SSPN: variants seen among roughly 807,000 people sequenced by gnomAD.
The protein encoded by SSPN is K-ras oncogene-associated protein.
SSPN carries 15 observed loss-of-function variants against 19.1 expected under a neutral mutation model. The observed-to-expected ratio is 0.78, with a 90% CI of 0.52 to 1.21. The LOEUF (loss-of-function observed/expected upper bound fraction) is 1.21, where lower values mean the gene tolerates loss of function less well. SSPN is among the 50% of genes most tolerant of loss of function. The probability of loss-of-function intolerance (pLI) is 0.00; values close to 1 mark genes in which losing one functional copy is unlikely to be tolerated. For missense variants in SSPN, 291 were observed against 314.0 expected, an observed-to-expected ratio of 0.93 and a Z score of 0.55; for synonymous variants, 147 against 140.3, an observed-to-expected ratio of 1.05 and a Z score of -0.34.
At chr12:26,153,046 T>C (rs1389710380) in intron 1 of SSPN, among the ~76,000 whole-genome samples, 1 of 152,220 alleles carries the variant, frequency 6.6e-6, no homozygotes, top group Admixed American at 6.5e-5. Flanking sequence ...ATTGTTCAGG[T>C]TCTAGCTGAA....
intron 1 of SSPN, among the ~76,000 whole-genome samples, chr12:26,130,776 G>A (rs117366091): frequency 0.019 from 2,825 of 152,256 alleles, 48 homozygotes; most frequent in Non-Finnish European, 0.03. Context: ...CCACACTTCT[G>A]CTTTTCCACT....
chr12:26,185,883 T>C (rs1944750739), intron 1 of SSPN, among the ~76,000 whole-genome samples: 1 of 152,218 alleles, frequency 6.6e-6, no homozygotes, highest in Non-Finnish European at 1.5e-5. Flanking sequence ...TCCCTGATTA[T>C]GTGTCTGTCT....
chr12:26,122,894 C>A (rs61754129), intron 1 of SSPN: 29 of 1,550,682 alleles, frequency 1.9e-5, no homozygotes, highest in African/African-American at 1.1e-4. Context: ...GCTTCTGCCC[C>A]GCGCGCTCCA....
At chr12:26,226,040 C>T (rs539789131) in intron 2 of SSPN, among the ~76,000 whole-genome samples, 4 of 152,026 alleles carry the variant, frequency 2.6e-5, no homozygotes, top group Non-Finnish European at 4.4e-5. Context: ...GGATTCCCCA[C>T]TAGGAAGATC....
intron 1 of SSPN, among the ~76,000 whole-genome samples, chr12:26,129,977 A>G (rs977467883): frequency 6.6e-6 from 1 of 152,140 alleles, no homozygotes; most frequent in Non-Finnish European, 1.5e-5. Flanking sequence ...AAAGACCACA[A>G]TAGGAGGATT....
chr12:26,214,520 C>T (rs1323603689), intron 1 of SSPN, among the ~76,000 whole-genome samples: 2 of 152,170 alleles, frequency 1.3e-5, no homozygotes, highest in Admixed American at 6.5e-5. Context: ...AATTAAACAG[C>T]TTTGTCCAAG....
chr12:26,122,435 G>C lies in SSPN; in HGVS notation c.-31+283G>C, dbSNP rs776094709. ...TGTCCAGGAAGGGCTGCACGTAGGC[G>C]GCAGCTGCAGAAGGCGAGAGGAAGC... On this transcript the variant is annotated intron_variant, in intron 1 of 2. Transcript: ENST00000538142. 551 of 1,354,708 alleles carry C rather than the reference G, an allele frequency of 4.1e-4. 2 individuals carry two copies. Among genetic ancestry groups the C allele is most frequent in the Middle Eastern group, 2.7e-3 (11 of 4,122 alleles). 83.9% of individuals were successfully genotyped at this position (1,354,708 alleles called of 1,614,324 possible). A position where few individuals can be genotyped will look rare whatever the true frequency, so the allele number is the denominator to read the frequency against.
At chr12:26,172,768 T>TC (rs1441708039) in intron 1 of SSPN, among the ~76,000 whole-genome samples, 1 of 142,700 alleles carries the variant, frequency 7.0e-6, no homozygotes, top group Non-Finnish European at 1.5e-5. Flanking sequence ...TTTCTCTCTC[T>TC]TTTTTTTTTT....
At position 26,233,174 on chromosome 12, in the gene SSPN, ACT is replaced by A. The variant is rs1192002311; in HGVS notation, c.*2101_*2102del. 6.6e-6 allele frequency: 1 copy of A among 152,020 alleles called. No individual in the cohort carries two copies. Among genetic ancestry groups the A allele is most frequent in the African/African-American group, 2.4e-5 (1 of 41,374 alleles). 9.4% of individuals were successfully genotyped at this position (152,020 alleles called of 1,614,324 possible). A position where few individuals can be genotyped will look rare whatever the true frequency, so the allele number is the denominator to read the frequency against. On this transcript the variant is annotated 3_prime_UTR_variant, in exon 3 of 3. Coordinates refer to ENST00000242729, the MANE Select transcript of SSPN (RefSeq NM_005086.5). This position sits in a 1 kb window ranked among gnomAD's most constrained non-coding sequence, Gnocchi z 4.3. The stretch of plus-strand genomic sequence containing the variant: ...CAAGTTTTTATATTTAAAAATTAAG[ACT>A]CTGTATATCCTTAAGGTGCTCTATG...
intron 1 of SSPN, chr12:26,122,189 CCCAAGGGGCGCCA>C: frequency 6.9e-7 from 1 of 1,452,396 alleles, no homozygotes; most frequent in Non-Finnish European, 9.0e-7. Flanking sequence ...GGTGCGGCGC[CCCAAGGGGCGCCA>C]CCTCGTGCGG....
chr12:26,191,519 T>C (rs1001529017), upstream of SSPN, among the ~76,000 whole-genome samples: 1 of 152,160 alleles, frequency 6.6e-6, no homozygotes, highest in Non-Finnish European at 1.5e-5. Flanking sequence ...AAAGATTGCA[T>C]TGTCCATATG....
chr12:26,125,081 A>C, intron 1 of SSPN: 1 of 424,180 alleles, frequency 2.4e-6, no homozygotes, highest in Non-Finnish European at 4.4e-6. Flanking sequence ...CACCCAGCTC[A>C]CGTGCGGAAC....
At chr12:26,223,532 G>A (rs1945145191) in intron 1 of SSPN, among the ~76,000 whole-genome samples, 1 of 152,180 alleles carries the variant, frequency 6.6e-6, no homozygotes, top group South Asian at 2.1e-4. Context: ...TTTAAACTAT[G>A]GGTGTGCATT....
chr12:26,217,850 A>AAC (rs1197560198), intron 1 of SSPN, among the ~76,000 whole-genome samples: 1 of 152,202 alleles, frequency 6.6e-6, no homozygotes, highest in African/African-American at 2.4e-5. Flanking sequence ...GAGAAATAGG[A>AAC]ACTTTTACAC....
intron 1 of SSPN, among the ~76,000 whole-genome samples, chr12:26,138,990 A>G (rs1415366601): frequency 1.3e-5 from 2 of 152,156 alleles, no homozygotes; most frequent in East Asian, 3.8e-4. Flanking sequence ...CCATATAGGG[A>G]TTAGTTAGGT....
chr12:26,168,404 G>C (rs1177797300), intron 1 of SSPN, among the ~76,000 whole-genome samples: 1 of 152,128 alleles, frequency 6.6e-6, no homozygotes, highest in Non-Finnish European at 1.5e-5. Flanking sequence ...CCAGTGTTCG[G>C]AGGTTGCAAG....
At chr12:26,122,450 C>G in intron 1 of SSPN, 1 of 1,355,094 alleles carries the variant, frequency 7.4e-7, no homozygotes, top group Non-Finnish European at 9.6e-7. Context: ...CTGCAGAAGG[C>G]GAGAGGAAGC....
intron 1 of SSPN, among the ~76,000 whole-genome samples, chr12:26,158,726 A>G (rs1414368526): frequency 1.3e-5 from 2 of 152,200 alleles, no homozygotes; most frequent in African/African-American, 2.4e-5. Flanking sequence ...GACCCCTGGA[A>G]CCCCTTTTAG....
At chr12:26,174,475 G>GCTTCCTTCCTTC (rs763960839) in intron 1 of SSPN, among the ~76,000 whole-genome samples, 59 of 121,904 alleles carry the variant, frequency 4.8e-4, no homozygotes, top group Non-Finnish European at 7.5e-4. Flanking sequence ...TGCTACCCAC[G>GCTTCCTTCCTTC]CTTCCTTCCT....
Sources: allele counts gnomAD v4.1 joint callset (sites outside exome capture counted in the v4.1 genomes callset), GRCh38; gene constraint gnomAD v4.1.1; non-coding constraint Gnocchi (gnomAD v3.1); transcripts MANE v1.5; gene names NCBI Gene and HGNC (gene_info 2026-07-23, HGNC 2026-07-21).